LRRC37A2: variants seen among roughly 807,000 people sequenced by gnomAD.
LRRC37A2 encodes the protein leucine rich repeat containing 37 member A2.
A neutral mutation model predicts 68.8 loss-of-function variants in LRRC37A2; 9 were observed. The ratio of observed to expected loss-of-function variants is 0.13; its 90% CI spans 0.08 to 0.23. LRRC37A2 has a LOEUF of 0.23. Among genes scored for constraint, LRRC37A2 ranks in the 10% least tolerant of loss-of-function variants. The probability of loss-of-function intolerance (pLI) is 1.00; values close to 1 mark genes in which losing one functional copy is unlikely to be tolerated. For synonymous variants in LRRC37A2, 63 were observed against 367.6 expected (o/e 0.17, Z 9.48); for missense variants, 168 against 950.4 (o/e 0.18, Z 10.82).
the LRRC37A2 span, among the ~76,000 whole-genome samples, chr17:46,870,904 C>CTTTTTTTTT: frequency 2.6e-5 from 2 of 78,388 alleles, no homozygotes; most frequent in African/African-American, 5.0e-5. Flanking sequence ...TCCACCTTTG[C>CTTTTTTTTT]TTTTTTTTTT....
chr17:47,012,962 T>C, the LRRC37A2 span, among the ~76,000 whole-genome samples: 57 of 152,330 alleles, frequency 3.7e-4, 2 homozygotes, highest in South Asian at 0.01. Flanking sequence ...AACCCAGATG[T>C]CCATCAACTG....
the LRRC37A2 span, among the ~76,000 whole-genome samples, chr17:46,760,646 A>G: frequency 4.0e-5 from 6 of 150,978 alleles, no homozygotes; most frequent in East Asian, 1.9e-4. Context: ...AAAAAAAAAA[A>G]AAAAGAAAAA....
the LRRC37A2 span, among the ~76,000 whole-genome samples, chr17:46,840,442 C>T: frequency 6.6e-6 from 1 of 152,200 alleles, no homozygotes; most frequent in Non-Finnish European, 1.5e-5. Flanking sequence ...CAAGTCTTTG[C>T]TATTGTGAAT....
the LRRC37A2 span, among the ~76,000 whole-genome samples, chr17:46,668,353 ACTTCTTCAT>A: frequency 1.0e-4 from 1 of 9,610 alleles, no homozygotes; most frequent in African/African-American, 4.7e-4. Flanking sequence ...ACAGAAGAGA[ACTTCTTCAT>A]CTTCTTCATC....
chr17:46,772,680 C>G, the LRRC37A2 span, among the ~76,000 whole-genome samples: 1 of 152,232 alleles, frequency 6.6e-6, no homozygotes, highest in Admixed American at 6.5e-5. Flanking sequence ...ATAGCCAGCA[C>G]TTTGCCTGTA....
At chr17:46,772,934 G>T in the LRRC37A2 span, among the ~76,000 whole-genome samples, 1 of 152,160 alleles carries the variant, frequency 6.6e-6, no homozygotes, top group African/African-American at 2.4e-5. Context: ...GGCCAGGATC[G>T]TTAAATTCCT....
the LRRC37A2 span, among the ~76,000 whole-genome samples, chr17:46,737,685 G>A: frequency 1.3e-5 from 2 of 151,968 alleles, no homozygotes; most frequent in African/African-American, 4.8e-5. Flanking sequence ...GATGCATAGA[G>A]TTAGGTTTTA....
the LRRC37A2 span, among the ~76,000 whole-genome samples, chr17:46,823,046 ATAATAAATATGTATTT>A: frequency 7.1e-6 from 1 of 141,722 alleles, no homozygotes; most frequent in African/African-American, 2.6e-5. Context: ...ATATGTATTT[ATAATAAATATGTATTT>A]ATAATAAATA....
the LRRC37A2 span, among the ~76,000 whole-genome samples, chr17:46,782,177 C>T: frequency 2.6e-5 from 4 of 152,334 alleles, no homozygotes; most frequent in South Asian, 8.3e-4. Context: ...TTGCCCTTAC[C>T]TTTCTCCATG....
At chr17:46,931,376 G>A in the LRRC37A2 span, 3 of 633,154 alleles carry the variant, frequency 4.7e-6, no homozygotes, top group Admixed American at 2.8e-5. Context: ...GAGTGATGCC[G>A]CTCAAAATAA....
the LRRC37A2 span, among the ~76,000 whole-genome samples, chr17:47,000,088 AAATAAAATAAAAT>A: frequency 8.9e-5 from 6 of 67,224 alleles, no homozygotes; most frequent in African/African-American, 2.8e-4. Context: ...AAATAAAATA[AAATAAAATAAAAT>A]AAAATAAAAT....
At chr17:46,680,986 TAGA>T in the LRRC37A2 span, among the ~76,000 whole-genome samples, 2 of 54,192 alleles carry the variant, frequency 3.7e-5, no homozygotes, top group African/African-American at 1.3e-4. Context: ...GAGTATAAAC[TAGA>T]AGAATATACC....
chr17:46,935,672 G>A, the LRRC37A2 span: 1 of 991,126 alleles, frequency 1.0e-6, no homozygotes, highest in African/African-American at 1.7e-5. Flanking sequence ...AGCTTTAGAA[G>A]CTTCTAGAGC....
the LRRC37A2 span, among the ~76,000 whole-genome samples, chr17:46,968,497 A>C: frequency 1.3e-5 from 2 of 152,220 alleles, no homozygotes; most frequent in African/African-American, 4.8e-5. Context: ...ACCCTCCACC[A>C]GCCACCCAGC....
the LRRC37A2 span, among the ~76,000 whole-genome samples, chr17:46,775,531 G>A: frequency 1.3e-5 from 2 of 151,958 alleles, no homozygotes; most frequent in African/African-American, 2.4e-5. Context: ...TGGGAGTTTG[G>A]ATGGTAACAT....
chr17:46,781,872 G>T, the LRRC37A2 span, among the ~76,000 whole-genome samples: 1 of 152,146 alleles, frequency 6.6e-6, no homozygotes, highest in Admixed American at 6.5e-5. Context: ...GCCCAGAGAG[G>T]TTTGTCATTT....
the LRRC37A2 span, among the ~76,000 whole-genome samples, chr17:46,832,477 G>A: frequency 4.6e-5 from 7 of 152,082 alleles, no homozygotes; most frequent in African/African-American, 7.2e-5. Context: ...GCCAGGAAAC[G>A]GCCAGGCAGC....
chr17:46,631,093 C>G, the LRRC37A2 span, among the ~76,000 whole-genome samples: 1 of 146,254 alleles, frequency 6.8e-6, no homozygotes, highest in Non-Finnish European at 1.5e-5. Flanking sequence ...CACACACACA[C>G]ACACACACAC....
the LRRC37A2 span, among the ~76,000 whole-genome samples, chr17:46,902,194 C>A: frequency 2.6e-5 from 4 of 152,188 alleles, no homozygotes; most frequent in Non-Finnish European, 5.9e-5. Context: ...CTAGATGCTG[C>A]CCTCCTGAAG....
Sources: allele counts gnomAD v4.1 joint callset (sites outside exome capture counted in the v4.1 genomes callset), GRCh38; gene constraint gnomAD v4.1.1; transcripts MANE v1.5; gene names NCBI Gene and HGNC (gene_info 2026-07-23, HGNC 2026-07-21).